ANKFN1: variants seen among roughly 807,000 people sequenced by gnomAD.
ANKFN1 encodes the protein ankyrin repeat and fibronectin type-III domain-containing protein 1.
In ANKFN1, 74 loss-of-function variants were observed where a neutral mutation model predicts 108.7. That is an observed-to-expected ratio of 0.68 (90% CI 0.56 to 0.83). ANKFN1 has a LOEUF of 0.83. Among genes scored for constraint, ANKFN1 ranks in the 40% least tolerant of loss-of-function variants. ANKFN1 has a pLI of 0.00. For synonymous variants in ANKFN1, 547 were observed against 516.2 expected (o/e 1.06, Z -0.81); for missense variants, 1,505 against 1,382.3 (o/e 1.09, Z -1.41).
chr17:56,412,055 G>C (rs929258880), intron 8 of ANKFN1, among the ~76,000 whole-genome samples: 1 of 152,162 alleles, frequency 6.6e-6, no homozygotes, highest in Non-Finnish European at 1.5e-5. Flanking sequence ...AGTTTAAGAA[G>C]TATTGGCTGT....
chr17:56,354,405 C>A (rs16957113), intron 6 of ANKFN1, among the ~76,000 whole-genome samples: 3 of 150,526 alleles, frequency 2.0e-5, no homozygotes, highest in Non-Finnish European at 4.4e-5. Flanking sequence ...ACAGTCAATG[C>A]GGTGGCTTCA....
chr17:56,178,771 C>G (rs746818501), intron 1 of ANKFN1, among the ~76,000 whole-genome samples: 1 of 152,082 alleles, frequency 6.6e-6, no homozygotes, highest in African/African-American at 2.4e-5. Context: ...AGCAGAACTT[C>G]TCAGACGTTT....
rs150363365 is a variant in ANKFN1 at position 56,466,669 on chromosome 17, G to A, written c.1773+98G>A. 63 of 1,011,828 alleles carry A rather than the reference G, an allele frequency of 6.2e-5. No individual in the cohort carries two copies. In the African/African-American group the frequency reaches 9.4e-4, roughly 15 times the overall value. The allele number at this position is 1,011,828 out of a possible 1,614,324, so 62.7% of individuals were successfully genotyped here. A position where few individuals can be genotyped will look rare whatever the true frequency, so the allele number is the denominator to read the frequency against. The stretch of plus-strand genomic sequence containing the variant: ...ATTGCAAGAGCCATTTACATATGCA[G>A]TGATGGAGTGGAGAGGGTCCAGAGA... On this transcript the variant is annotated intron_variant, in intron 15 of 20. Coordinates refer to ENST00000682825, the MANE Select transcript of ANKFN1 (RefSeq NM_001370326.1).
intron 8 of ANKFN1, among the ~76,000 whole-genome samples, chr17:56,380,867 A>C (rs1397918231): frequency 1.3e-5 from 2 of 152,232 alleles, no homozygotes; most frequent in Non-Finnish European, 2.9e-5. Flanking sequence ...GGGCACAGAC[A>C]AACAAAAAGA....
At chr17:56,398,233 G>A (rs919264265) in intron 8 of ANKFN1, among the ~76,000 whole-genome samples, 1 of 152,120 alleles carries the variant, frequency 6.6e-6, no homozygotes, top group African/African-American at 2.4e-5. Flanking sequence ...CTTGGTACAT[G>A]ATACATTATT....
At chr17:56,305,457 A>C (rs2044794271) in intron 3 of ANKFN1, among the ~76,000 whole-genome samples, 1 of 152,184 alleles carries the variant, frequency 6.6e-6, no homozygotes, top group Non-Finnish European at 1.5e-5. Context: ...TCAGTGAAAT[A>C]TCTCTTCATG....
intron 11 of ANKFN1, among the ~76,000 whole-genome samples, chr17:56,450,652 C>T (rs2049451299): frequency 6.6e-6 from 1 of 152,184 alleles, no homozygotes; most frequent in South Asian, 2.1e-4. Flanking sequence ...AAGCTCCTTT[C>T]TCATCTTCTG....
rs1347912745 is a variant in ANKFN1, at chr17:56,515,574, A to G, written c.*4305A>G. ...CTTATGACTGTTAAGCTAAACTTCAATGCGGCCTTACAAACAACAAGGGTA... is the reference window on the plus strand; with the variant it reads ...CTTATGACTGTTAAGCTAAACTTCAGTGCGGCCTTACAAACAACAAGGGTA... On this transcript the variant is annotated 3_prime_UTR_variant, in exon 21 of 21. Transcript: ENST00000682825. 1.3e-5 allele frequency among the ~76,000 whole-genome samples: 2 copies of G among 152,238 alleles called. No homozygotes were observed. Among genetic ancestry groups the G allele is most frequent in the Non-Finnish European group, 2.9e-5 (2 of 68,038 alleles).
chr17:56,437,318 G>A lies in ANKFN1; in HGVS notation c.911-3009G>A, dbSNP rs564179838. On this transcript the variant is annotated intron_variant, in intron 8 of 20. Coordinates refer to ENST00000682825, the MANE Select transcript of ANKFN1 (RefSeq NM_001370326.1). ...GGTTTCTTTAGAAATTCTAAAGATC[G>A]TATCTCTGAAAAACTTTTCATTAAT... is the stretch of plus-strand genomic sequence containing the variant. 2.4e-3 allele frequency among the ~76,000 whole-genome samples: 359 copies of A among 152,206 alleles called. 1 individual carries two copies. Among genetic ancestry groups the A allele is most frequent in the African/African-American group, 7.9e-3 (330 of 41,542 alleles).
At chr17:56,211,256 A>G (rs2143812056) in intron 1 of ANKFN1, among the ~76,000 whole-genome samples, 1 of 152,242 alleles carries the variant, frequency 6.6e-6, no homozygotes, top group African/African-American at 2.4e-5. Context: ...TTAGTCTTTA[A>G]TCCATCTTGA....
chr17:56,382,246 G>A (rs1598493211), intron 8 of ANKFN1, among the ~76,000 whole-genome samples: 1 of 151,992 alleles, frequency 6.6e-6, no homozygotes, highest in Non-Finnish European at 1.5e-5. Flanking sequence ...CATAAGTGAA[G>A]GAGAAATAAA....
At chr17:56,281,466 C>T (rs75146233) in intron 3 of ANKFN1, among the ~76,000 whole-genome samples, 3,144 of 152,018 alleles carry the variant, frequency 0.021, 128 homozygotes, top group African/African-American at 0.071. Flanking sequence ...ATAAGATAAA[C>T]CATTTGCAAA....
intron 3 of ANKFN1, among the ~76,000 whole-genome samples, chr17:56,293,873 C>A (rs1353550628): frequency 6.6e-6 from 1 of 152,166 alleles, no homozygotes; most frequent in African/African-American, 2.4e-5. Flanking sequence ...GCACCTCTGT[C>A]CCTTCTCCAG....
intron 8 of ANKFN1, among the ~76,000 whole-genome samples, chr17:56,408,066 C>A (rs1354288101): frequency 6.6e-6 from 1 of 151,168 alleles, no homozygotes; most frequent in Non-Finnish European, 1.5e-5. Context: ...TCCTGAGTAG[C>A]TGGGATTACA....
At chr17:56,495,062 G>A (rs539838066) in intron 19 of ANKFN1, among the ~76,000 whole-genome samples, 27 of 152,198 alleles carry the variant, frequency 1.8e-4, no homozygotes, top group African/African-American at 5.8e-4. Flanking sequence ...GTTCTAGCCC[G>A]CTCTGGTCTC....
Position 56,050,525 on chromosome 17 carries a change from G to T in ANKFN1, c.288+4200G>T, listed in dbSNP as rs556441078. 3.5e-4 allele frequency among the ~76,000 whole-genome samples: 51 copies of T among 145,376 alleles called. 2 individuals are homozygous for T. The highest frequency in any genetic ancestry group is 3.2e-3 in the Admixed American group (46 of 14,392). ...TTCTTCTAGGGTTTTTATGGTTTTAGGTCTAACGTTTAAATCTTTAATCCA... is the reference window on the plus strand; with the variant it reads ...TTCTTCTAGGGTTTTTATGGTTTTATGTCTAACGTTTAAATCTTTAATCCA... On this transcript the variant is annotated intron_variant, in intron 4 of 12. Transcript: ENST00000635860.
At chr17:56,471,883 C>G (rs1403197333) in intron 15 of ANKFN1, 1 of 152,204 alleles carries the variant, frequency 6.6e-6, no homozygotes, top group Non-Finnish European at 1.5e-5. Flanking sequence ...TCAGGAACAG[C>G]AGGCGGAGAG....
chr17:56,087,825 A>G (rs2143183659), intron 4 of ANKFN1, among the ~76,000 whole-genome samples: 1 of 151,490 alleles, frequency 6.6e-6, no homozygotes, highest in East Asian at 1.9e-4. Flanking sequence ...TGGCACTGCA[A>G]TGTCAGGGTT....
At chr17:56,229,020 A>G (rs920010895) in intron 3 of ANKFN1, among the ~76,000 whole-genome samples, 1 of 152,110 alleles carries the variant, frequency 6.6e-6, no homozygotes, top group African/African-American at 2.4e-5. Context: ...TGCAGGAGAA[A>G]CTTAGTTTTT....
Sources: allele counts gnomAD v4.1 joint callset (sites outside exome capture counted in the v4.1 genomes callset), GRCh38; gene constraint gnomAD v4.1.1; transcripts MANE v1.5; gene names NCBI Gene and HGNC (gene_info 2026-07-23, HGNC 2026-07-21).